ZNF487: variants seen among roughly 807,000 people sequenced by gnomAD.
ZNF487 encodes the protein zinc finger protein 487.
Under a neutral mutation model 3.0 loss-of-function variants are expected in ZNF487, and 4 were observed. The ratio of observed to expected loss-of-function variants is 1.35; its 90% CI spans 0.66 to 3.08. The LOEUF is 3.08. Ranked by LOEUF, ZNF487 falls within the 30% of genes most tolerant of loss-of-function variation. The pLI is 0.01. For missense variants in ZNF487, 146 were observed against 98.7 expected (o/e 1.48, Z -2.03); for synonymous variants, 55 against 34.6 (o/e 1.59, Z -2.06).
chr10:43,443,372 G>A, intron 1 of ZNF487, among the ~76,000 whole-genome samples: 1 of 139,176 alleles, frequency 7.2e-6, no homozygotes, highest in East Asian at 2.1e-4. Flanking sequence ...CCTAGTTTTT[G>A]TTTTTGTTTT....
chr10:43,450,748 G>A (rs1839977680), intron 1 of ZNF487, among the ~76,000 whole-genome samples: 1 of 152,068 alleles, frequency 6.6e-6, no homozygotes, highest in South Asian at 2.1e-4. Context: ...TATTTCTGAT[G>A]TAAATTTAGC....
At chr10:43,488,393 G>A in the ZNF487 span, among the ~76,000 whole-genome samples, 1 of 152,080 alleles carries the variant, frequency 6.6e-6, no homozygotes, top group East Asian at 1.9e-4. Flanking sequence ...TGGAAAAAAA[G>A]CAAAGCAGGA....
chr10:43,441,034 A>ATTTTTTTTTTTTTTTT lies in ZNF487; in HGVS notation c.-94+3791_-94+3806dup, dbSNP rs763451709. Among the ~76,000 whole-genome samples, 36 of 44,548 alleles carry ATTTTTTTTTTTTTTTT rather than the reference A, an allele frequency of 8.1e-4. 11 individuals are homozygous for ATTTTTTTTTTTTTTTT. The highest frequency in any genetic ancestry group is 2.7e-3 in the African/African-American group (25 of 9,418). The allele number at this position is 44,548 out of a possible 152,430, so 29.2% of individuals were successfully genotyped here. A position where few individuals can be genotyped will look rare whatever the true frequency, so the allele number is the denominator to read the frequency against. On this transcript the variant is annotated intron_variant, in intron 1 of 3. Transcript: ENST00000437590. Reference sequence around the variant, plus strand: ...GGTAAATGCTACCACACCTGGTTAAATTTTTTTTTTTTTTTTTTTTTTTTT... The same window carrying ATTTTTTTTTTTTTTTT: ...GGTAAATGCTACCACACCTGGTTAAATTTTTTTTTTTTTTTTTTTTTTTTTTTTTTTTTTTTTTTTT...
At chr10:43,499,004 G>C in the ZNF487 span, among the ~76,000 whole-genome samples, 1 of 151,878 alleles carries the variant, frequency 6.6e-6, no homozygotes, top group African/African-American at 2.4e-5. Flanking sequence ...AGTAATACTT[G>C]TTGCGTGTAA....
chr10:43,451,034 A>G (rs533308614), intron 1 of ZNF487, among the ~76,000 whole-genome samples: 8 of 151,826 alleles, frequency 5.3e-5, no homozygotes, highest in Admixed American at 1.3e-4. Context: ...TGCAACCTCC[A>G]TCTCCCAGGT....
At chr10:43,455,528 C>G (rs1275815229) in intron 1 of ZNF487, among the ~76,000 whole-genome samples, 1 of 152,256 alleles carries the variant, frequency 6.6e-6, no homozygotes, top group Non-Finnish European at 1.5e-5. Flanking sequence ...CGGGTCAACG[C>G]CTGACGCGCC....
chr10:43,449,020 T>G (rs1290788613), intron 1 of ZNF487, among the ~76,000 whole-genome samples: 12 of 129,860 alleles, frequency 9.2e-5, no homozygotes, highest in African/African-American at 3.2e-4. Context: ...AAAAAAAGGC[T>G]GGGTGCAGTG....
At chr10:43,476,284 G>GA (rs540007656) in intron 3 of ZNF487, 82 bp downstream of exon 3, 27 of 650,918 alleles carry the variant, frequency 4.1e-5, no homozygotes, top group African/African-American at 2.2e-4. Context: ...TGACATCTTT[G>GA]AAATTTTTCA....
At chr10:43,509,633 G>A in the ZNF487 span, among the ~76,000 whole-genome samples, 5 of 151,968 alleles carry the variant, frequency 3.3e-5, no homozygotes, top group Admixed American at 6.6e-5. Context: ...GAAGCATCCA[G>A]CATGGGAGAA....
intron 1 of ZNF487, among the ~76,000 whole-genome samples, chr10:43,450,137 G>A (rs1255537681): frequency 3.3e-5 from 5 of 152,126 alleles, no homozygotes; most frequent in Admixed American, 2.6e-4. Context: ...TCCGCCTCTC[G>A]GGTTCAAGTG....
Position 43,476,077 on chromosome 10 carries a change from G to A in ZNF487, c.35-30G>A, listed in dbSNP as rs1024274945. The A allele has an allele frequency of 4.2e-6, 3 of 715,490 alleles. No homozygotes were observed. The African/African-American group carries it at 5.2e-5, about 13-fold the overall frequency. 44.3% of individuals were successfully genotyped at this position (715,490 alleles called of 1,614,324 possible). A position where few individuals can be genotyped will look rare whatever the true frequency, so the allele number is the denominator to read the frequency against. ...ACCTTTGTCCTCCGCAGGCTATCTG[G>A]CCCACGTCCTGTGTCATTTTCATTC... On this transcript the variant is annotated intron_variant, in intron 2 of 3. Transcript: ENST00000437590.
chr10:43,440,231 G>A (rs557179188), intron 1 of ZNF487, among the ~76,000 whole-genome samples: 1 of 151,872 alleles, frequency 6.6e-6, no homozygotes, highest in East Asian at 1.9e-4. Context: ...TATATTTTTA[G>A]TAGAGACGGG....
At chr10:43,501,757 C>CA in the ZNF487 span, among the ~76,000 whole-genome samples, 23 of 145,200 alleles carry the variant, frequency 1.6e-4, no homozygotes, top group East Asian at 2.1e-3. Flanking sequence ...AAAACAAAAA[C>CA]AAAAAAAACC....
At chr10:43,437,007 C>T (rs572684423), upstream of ZNF487, 5 of 390,858 alleles carry the variant, frequency 1.3e-5, no homozygotes, top group Admixed American at 1.2e-4. Context: ...GGGCCGAGCC[C>T]CCGCTAGGCA....
In ZNF487 at chr10:43,468,415, C is replaced by T. The variant is rs140062134; in HGVS notation, c.-93-7306C>T. Among the ~76,000 whole-genome samples the T allele has an allele frequency of 2.1e-3, 314 of 152,240 alleles. 1 individual carries two copies. The highest frequency in any genetic ancestry group is 7.3e-3 in the African/African-American group (303 of 41,560). On this transcript the variant is annotated intron_variant, in intron 1 of 3. Coordinates refer to ENST00000437590, the MANE Select transcript of ZNF487 (RefSeq NM_001355444.3). Reference sequence around the variant, plus strand: ...GAAGAGCCGGCCGGGTGCAGTGGCTCATTCCTGTAACCCCAGCACTTTTGG... The same window carrying T: ...GAAGAGCCGGCCGGGTGCAGTGGCTTATTCCTGTAACCCCAGCACTTTTGG...
At chr10:43,520,200 C>G in the ZNF487 span, among the ~76,000 whole-genome samples, 1 of 150,024 alleles carries the variant, frequency 6.7e-6, no homozygotes. Flanking sequence ...TTTTTTTTTT[C>G]CACTTAAATT....
chr10:43,467,028 C>A (rs1840730761), intron 1 of ZNF487, among the ~76,000 whole-genome samples: 1 of 151,840 alleles, frequency 6.6e-6, no homozygotes, highest in Non-Finnish European at 1.5e-5. Flanking sequence ...CTGCCACACC[C>A]AGCTAATTGT....
chr10:43,482,012 A>C lies in ZNF487; in HGVS notation c.*90A>C. On this transcript the variant is annotated 3_prime_UTR_variant, in exon 4 of 4. Transcript: ENST00000437590. The stretch of plus-strand genomic sequence containing the variant: ...ATAAGGAAGAGTCACCATGAATTCA[A>C]TGAATGTGAGAGGAGGTCTGGTGAG... 1 of 589,416 alleles carries C rather than the reference A, an allele frequency of 1.7e-6. No individual in the cohort carries two copies. The highest frequency in any genetic ancestry group is 3.0e-6 in the Non-Finnish European group (1 of 335,066). The allele number at this position is 589,416 out of a possible 1,614,324, so 36.5% of individuals were successfully genotyped here.
chr10:43,485,756 G>A (rs1841465185), downstream of ZNF487, among the ~76,000 whole-genome samples: 1 of 152,176 alleles, frequency 6.6e-6, no homozygotes, highest in African/African-American at 2.4e-5. Context: ...TGCCACATGT[G>A]GCTAGTGGCT....
Sources: gnomAD v4.1 joint callset for allele counts (sites outside exome capture counted in the v4.1 genomes callset) on GRCh38, gnomAD v4.1.1 for gene constraint, MANE v1.5 for transcripts, NCBI Gene and HGNC (gene_info 2026-07-23, HGNC 2026-07-21) for gene names.